CASK: variants seen among roughly 807,000 people sequenced by gnomAD.
The protein encoded by CASK is calcium/calmodulin dependent serine protein kinase.
Under a neutral mutation model 82.9 loss-of-function variants are expected in CASK, and 4 were observed. The observed-to-expected ratio is 0.05, with a 90% CI of 0.02 to 0.11. The LOEUF (loss-of-function observed/expected upper bound fraction) is 0.11, where lower values mean the gene tolerates loss of function less well. CASK is among the 10% of genes least tolerant of loss of function. The pLI is 1.00. For missense variants in CASK, 358 were observed against 720.9 expected (o/e 0.50, Z 5.76); for synonymous variants, 259 against 253.5 (o/e 1.02, Z -0.20).
At chrX:41,682,529 GAAAAA>G (rs869093187) in intron 5 of CASK, among the ~76,000 whole-genome samples, 241 of 23,150 alleles carry the variant, frequency 0.01, no homozygotes, top group South Asian at 0.017. Flanking sequence ...ACTGTCTCAG[GAAAAA>G]AAAAAAAAAA....
intron 2 of CASK, among the ~76,000 whole-genome samples, chrX:41,815,869 G>GT (rs1392119010): frequency 1.1e-4 from 12 of 110,799 alleles, no homozygotes; most frequent in Admixed American, 1.1e-3. Context: ...TAAAAACAAA[G>GT]TTTTTTTTTG....
At chrX:41,807,320 C>T (rs2070143662) in intron 2 of CASK, among the ~76,000 whole-genome samples, 2 of 111,203 alleles carry the variant, frequency 1.8e-5, no homozygotes, top group Non-Finnish European at 3.8e-5. Flanking sequence ...CTTAGATTTC[C>T]AATCATATGC....
chrX:41,545,099 C>T (rs1353179374), intron 21 of CASK, among the ~76,000 whole-genome samples: 1 of 110,224 alleles, frequency 9.1e-6, no homozygotes, highest in Non-Finnish European at 1.9e-5. Context: ...AATCTCGGCT[C>T]ACTGTAACCT....
intron 3 of CASK, among the ~76,000 whole-genome samples, chrX:41,770,633 C>T (rs1222219996): frequency 9.0e-6 from 1 of 111,217 alleles, no homozygotes; most frequent in African/African-American, 3.3e-5. Flanking sequence ...AGGTGATCTG[C>T]CTGCCTCAGC....
chrX:41,621,143 C>T (rs984574426), intron 11 of CASK, among the ~76,000 whole-genome samples: 3 of 109,141 alleles, frequency 2.7e-5, no homozygotes, highest in African/African-American at 3.3e-5. Context: ...AAAAGAGGAG[C>T]GCTAAATCTA....
rs910008383 is a variant in CASK at position 41,702,863 on chromosome X, A to G, written c.430-31333T>C. Among the ~76,000 whole-genome samples the G allele has an allele frequency of 3.6e-5, 4 of 112,170 alleles. No individual in the cohort carries two copies. In the Admixed American group the frequency reaches 3.8e-4, roughly 11 times the overall value. The stretch of plus-strand genomic sequence containing the variant: ...TCTTCTAACCATCACACATTTATAT[A>G]CTCTGGAAGCTCTCTCTGAAACATG... On this transcript the variant is annotated intron_variant, in intron 5 of 26. Coordinates refer to ENST00000378163, the MANE Select transcript of CASK (RefSeq NM_001367721.1).
chrX:41,886,262 C>T (rs772288723), intron 1 of CASK, among the ~76,000 whole-genome samples: 5 of 111,764 alleles, frequency 4.5e-5, no homozygotes, highest in African/African-American at 1.3e-4. Flanking sequence ...TCACTATCAG[C>T]GGCCTTTAAA....
intron 14 of CASK, among the ~76,000 whole-genome samples, chrX:41,579,665 T>G (rs1308253982): frequency 8.9e-6 from 1 of 112,386 alleles, no homozygotes; most frequent in East Asian, 2.7e-4. Flanking sequence ...AATTTGGTTC[T>G]ATTTTAATTT....
chrX:41,789,748 T>C (rs950147091), intron 2 of CASK, among the ~76,000 whole-genome samples: 10 of 111,692 alleles, frequency 9.0e-5, no homozygotes, highest in Non-Finnish European at 1.7e-4. Context: ...TCATATCTTC[T>C]GTTTTCGACT....
Position 41,531,060 on chromosome X carries a change from T to C in CASK, c.2467A>G (p.Ile823Val). ...AGCCCCTGCTCGTGGATCTTCCGGA[T>C]GGTCTCCAGTTTTGTCCCATACATC... ...DAMYGTKLET[I>V]RKIHEQGLIA... The change falls in exon 25 of 27, where the codon ATC (isoleucine) becomes GTC (valine). Residue 823 changes from isoleucine to valine, a missense_variant. Coordinates refer to ENST00000378163, the MANE Select transcript of CASK (RefSeq NM_001367721.1). 8.3e-7 allele frequency: 1 copy of C among 1,211,976 alleles called. No individual in the cohort carries two copies. The highest frequency in any genetic ancestry group is 1.1e-6 in the Non-Finnish European group (1 of 895,440).
intron 2 of CASK, among the ~76,000 whole-genome samples, chrX:41,831,179 C>G (rs890583600): frequency 9.0e-6 from 1 of 110,771 alleles, no homozygotes; most frequent in Non-Finnish European, 1.9e-5. Context: ...ACACATACCG[C>G]TTTTGGGTTT....
At chrX:41,725,619 G>T (rs893421916) in intron 5 of CASK, among the ~76,000 whole-genome samples, 1 of 111,762 alleles carries the variant, frequency 8.9e-6, no homozygotes, top group African/African-American at 3.3e-5. Context: ...TCACCTGAAA[G>T]AAGTGAGGAA....
intron 1 of CASK, among the ~76,000 whole-genome samples, chrX:41,894,242 A>C (rs985973387): frequency 4.5e-5 from 5 of 111,174 alleles, no homozygotes; most frequent in Non-Finnish European, 9.4e-5. Context: ...GTTGAAAAGT[A>C]CTATAATTGA....
intron 5 of CASK, chrX:41,727,596 G>T: frequency 2.5e-6 from 3 of 1,205,578 alleles, no homozygotes; most frequent in Non-Finnish European, 3.4e-6. Flanking sequence ...GCTACAATCG[G>T]CAGATGGAAC....
chrX:41,621,066 C>A (rs1288996155), intron 11 of CASK, among the ~76,000 whole-genome samples: 1 of 109,756 alleles, frequency 9.1e-6, no homozygotes, highest in African/African-American at 3.3e-5. Context: ...TAAGGAAAAT[C>A]ACTACTGATA....
At chrX:41,778,783 T>C (rs753786106) in intron 3 of CASK, among the ~76,000 whole-genome samples, 3 of 109,347 alleles carry the variant, frequency 2.7e-5, no homozygotes, top group Non-Finnish European at 5.7e-5. Context: ...AACATCCCAA[T>C]CCAGGATTTG....
At chrX:41,847,543 C>T in intron 2 of CASK, among the ~76,000 whole-genome samples, 1 of 111,923 alleles carries the variant, frequency 8.9e-6, no homozygotes, top group East Asian at 2.8e-4. Flanking sequence ...TGCTCAGGAA[C>T]AGTTTCTATG....
intron 22 of CASK, among the ~76,000 whole-genome samples, chrX:41,541,464 G>A (rs2064944903): frequency 8.9e-6 from 1 of 112,055 alleles, no homozygotes; most frequent in Non-Finnish European, 1.9e-5. Context: ...AACCAAAAAA[G>A]CCATTATGAA....
chrX:41,662,715 C>T (rs188396016), intron 7 of CASK, among the ~76,000 whole-genome samples: 218 of 110,988 alleles, frequency 2.0e-3, no homozygotes, highest in Middle Eastern at 4.7e-3. Flanking sequence ...ATCACCTGAA[C>T]TTGGGAGGGG....
Sources: gnomAD v4.1 joint callset for allele counts (sites outside exome capture counted in the v4.1 genomes callset) on GRCh38, gnomAD v4.1.1 for gene constraint, MANE v1.5 for transcripts, NCBI Gene and HGNC (gene_info 2026-07-23, HGNC 2026-07-21) for gene names.